The following BSCL2 variants were observed in gnomAD, a reference collection of about 807,000 sequenced individuals.
BSCL2 encodes the protein BSCL2 lipid droplet biogenesis associated, seipin, also known as seipin.
In BSCL2, 41 loss-of-function variants were observed where a neutral mutation model predicts 57.4. The ratio of observed to expected loss-of-function variants is 0.71; its 90% CI spans 0.56 to 0.93. BSCL2 has a LOEUF of 0.93. Ranked by LOEUF, BSCL2 falls within the 40% of genes least tolerant of loss-of-function variation. BSCL2 has a pLI of 0.00. For missense variants in BSCL2, 539 were observed against 586.7 expected, an observed-to-expected ratio of 0.92 and a Z score of 0.84; for synonymous variants, 237 against 227.3, an observed-to-expected ratio of 1.04 and a Z score of -0.38.
chr11:62,691,072 T>C lies in BSCL2; in HGVS notation c.1072+3A>G, dbSNP rs746825449. The C allele has an allele frequency of 6.2e-6, 10 of 1,614,066 alleles. No homozygotes were observed. The highest frequency in any genetic ancestry group is 1.7e-5 in the Admixed American group (1 of 59,998). Reference sequence around the variant, plus strand: ...TCAACAGCTCCCCAGCCAACACCTTTACCTGGCTGATGAGCAGAGATCCTT... The same window carrying C: ...TCAACAGCTCCCCAGCCAACACCTTCACCTGGCTGATGAGCAGAGATCCTT... On this transcript the variant is annotated splice_donor_region_variant and intron_variant, in intron 8 of 10. Coordinates refer to ENST00000360796, the MANE Select transcript of BSCL2 (RefSeq NM_001122955.4).
chr11:62,696,042 A>G (rs962736539), intron 3 of BSCL2, among the ~76,000 whole-genome samples: 7 of 152,176 alleles, frequency 4.6e-5, no homozygotes, highest in African/African-American at 1.7e-4. Context: ...GCGTGGTAGC[A>G]GGCACCTGTA....
Position 62,707,207 on chromosome 11 carries a change from G to A in BSCL2, c.-12C>T, listed in dbSNP as rs2083555799. ...TTTTCTGTAGACATCTTCCTGACGA[G>A]CCTCTGTTGACTCTGGATCTTCCAC... On this transcript the variant is annotated 5_prime_UTR_variant, in exon 1 of 11. Transcript: ENST00000360796. 1 of 1,552,146 alleles carries A rather than the reference G, an allele frequency of 6.4e-7. No homozygotes were observed. Among genetic ancestry groups the A allele is most frequent in the South Asian group, 1.2e-5 (1 of 84,078 alleles).
At position 62,702,507 on chromosome 11, in the gene BSCL2, A is replaced by C. The variant is rs763484529; in HGVS notation, c.447T>G (p.Pro149=). Residue 149 remains proline, a synonymous_variant, in exon 3 of 11, where the codon CCT becomes CCG. Transcript: ENST00000360796. The part of the protein sequence containing the change: ...DSSTTSLCSF[P]VANVSLTKGG... Reference sequence around the variant, plus strand: ...CCTTAGTCAGCGAGACATTGGCAACAGGGAAGGAGCAGAGTGAGGTGGTGG... The same window carrying C: ...CCTTAGTCAGCGAGACATTGGCAACCGGGAAGGAGCAGAGTGAGGTGGTGG... 7.4e-6 allele frequency: 12 copies of C among 1,612,878 alleles called. No individual in the cohort carries two copies. The Admixed American group carries it at 2.0e-4, about 27-fold the overall frequency.
chr11:62,707,307 A>G lies in BSCL2; in HGVS notation c.-112T>C. ...TGTGGCGCATCACATTTTCCTGGAT[A>G]TGGAAAATGGAGGGTCCCTGGGAGA... On this transcript the variant is annotated 5_prime_UTR_variant, in exon 1 of 11. Transcript: ENST00000360796. 1 of 944,816 alleles carries G rather than the reference A, an allele frequency of 1.1e-6. No individual in the cohort carries two copies. The highest frequency in any genetic ancestry group is 1.7e-6 in the Non-Finnish European group (1 of 596,966). The allele number at this position is 944,816 out of a possible 1,614,324, so 58.5% of individuals were successfully genotyped here.
At chr11:62,696,948 G>T (rs1051328782) in intron 3 of BSCL2, among the ~76,000 whole-genome samples, 7 of 151,900 alleles carry the variant, frequency 4.6e-5, no homozygotes, top group African/African-American at 1.5e-4. Context: ...TGAGGCAGGA[G>T]GATCCCTTGA....
At chr11:62,691,258 G>A (rs760018031) in intron 7 of BSCL2, 22 bp downstream of exon 7, 2 of 1,614,044 alleles carry the variant, frequency 1.2e-6, no homozygotes, top group African/African-American at 2.7e-5. Flanking sequence ...AGGGACAAAA[G>A]GGGGTCCTTG....
At chr11:62,708,750 G>A, upstream of BSCL2, 3 of 1,614,116 alleles carry the variant, frequency 1.9e-6, no homozygotes, top group Non-Finnish European at 2.5e-6. Context: ...CATCACCCCT[G>A]TGCCCACTTC....
chr11:62,690,371 G>C lies in BSCL2; in HGVS notation c.1385C>G (p.Ser462Cys). 1 of 1,614,008 alleles carries C rather than the reference G, an allele frequency of 6.2e-7. No homozygotes were observed. Among genetic ancestry groups the C allele is most frequent in the Admixed American group, 1.7e-5 (1 of 59,988 alleles). The change falls in exon 11 of 11, where the codon TCC becomes TGC. Residue 462 changes from serine (S) to cysteine (C), a missense_variant. Around this residue, in one of 3 missense-constraint regions of BSCL2, gnomAD observed 248 missense variants for 239.9 expected, o/e 1.03. Transcript: ENST00000360796. ...ALRQRPTCSS[S>C] is the part of the protein sequence containing the mutation. ...TGAGGAGTCTGCCCCTTTTCTTCAG[G>C]AACTAGAGCAGGTGGGGCGCTGTCG... is the stretch of plus-strand genomic sequence containing the variant.
intron 3 of BSCL2, among the ~76,000 whole-genome samples, chr11:62,696,278 T>TGTGTGTGTG (rs371756427): frequency 2.1e-3 from 283 of 136,310 alleles, no homozygotes; most frequent in African/African-American, 4.3e-3. Flanking sequence ...CATAAACTTT[T>TGTGTGTGTG]TGTGTGTGTG....
chr11:62,690,476 A>G lies in BSCL2; in HGVS notation c.1280T>C (p.Leu427Pro), dbSNP rs145649423. ...EDAALLTEAN[L>P]PAPAPASASA... ...AGCAGAAGCAGGAGCAGGAGCAGGC[A>G]GGTTGGCCTCCGTCAGCAAAGCTGC... The change falls in exon 11 of 11, where the codon CTG becomes CCG. Residue 427 changes from leucine to proline, a missense_variant. Transcript: ENST00000360796. 3.0e-3 allele frequency: 4,765 copies of G among 1,614,202 alleles called. 20 individuals are homozygous for G. The highest frequency in any genetic ancestry group is 9.7e-3 in the Middle Eastern group (59 of 6,062).
intron 2 of BSCL2, among the ~76,000 whole-genome samples, chr11:62,703,128 C>A (rs753229343): frequency 3.5e-5 from 5 of 142,674 alleles, no homozygotes; most frequent in African/African-American, 5.3e-5. Flanking sequence ...CCAGCCTGGG[C>A]AACAAGGGTG....
upstream of BSCL2, chr11:62,708,140 C>A: frequency 1.5e-6 from 1 of 654,156 alleles, no homozygotes. Flanking sequence ...ATGAGGAATA[C>A]AGGGATGAGA....
At position 62,698,687 on chromosome 11, in the gene BSCL2, C is replaced by A. The variant is rs77663321; in HGVS notation, c.486+3781G>T. 1.7e-4 allele frequency among the ~76,000 whole-genome samples: 26 copies of A among 152,266 alleles called. No individual in the cohort carries two copies. In the East Asian group the frequency reaches 4.6e-3, roughly 27 times the overall value. ...GTTCATTGTCAACAAACAAAATGTTCAACCTCTTCTAATTATCAGGGACAT... is the reference window on the plus strand; with the variant it reads ...GTTCATTGTCAACAAACAAAATGTTAAACCTCTTCTAATTATCAGGGACAT... On this transcript the variant is annotated intron_variant, in intron 3 of 10. Transcript: ENST00000360796.
At chr11:62,708,982 T>A (rs369955613), upstream of BSCL2, 3 of 623,024 alleles carry the variant, frequency 4.8e-6, no homozygotes, top group South Asian at 5.4e-5. Context: ...CCCCATTTCC[T>A]ACCACCTTTG....
At chr11:62,708,622 G>T (rs748663729), upstream of BSCL2, 54 of 1,599,510 alleles carry the variant, frequency 3.4e-5, no homozygotes, top group Non-Finnish European at 4.1e-5. Context: ...GGGGAGGGAG[G>T]CTGCAGTCCC....
At chr11:62,697,820 T>C (rs1159456885) in intron 3 of BSCL2, among the ~76,000 whole-genome samples, 2 of 151,080 alleles carry the variant, frequency 1.3e-5, no homozygotes, top group Admixed American at 6.6e-5. Context: ...GGATCCGCTT[T>C]GAACATCACC....
At chr11:62,701,843 A>AG (rs1213186920) in intron 3 of BSCL2, among the ~76,000 whole-genome samples, 4 of 151,742 alleles carry the variant, frequency 2.6e-5, no homozygotes, top group Non-Finnish European at 5.9e-5. Context: ...AAAAAAAAAA[A>AG]AAAGAAAGAG....
intron 8 of BSCL2, 77 bp downstream of exon 8, chr11:62,690,998 G>A: frequency 3.2e-6 from 5 of 1,580,222 alleles, no homozygotes; most frequent in Non-Finnish European, 4.3e-6. Flanking sequence ...CCTCATACTG[G>A]ATGAAGCAGG....
At chr11:62,708,099 G>C (rs186527407), upstream of BSCL2, 211 of 603,428 alleles carry the variant, frequency 3.5e-4, 1 homozygote, top group East Asian at 5.2e-3. Context: ...AGGGAGTTTG[G>C]GGAGCACCTC....
Sources: gnomAD v4.1 joint callset for allele counts (sites outside exome capture counted in the v4.1 genomes callset) on GRCh38, gnomAD v4.1.1 for gene constraint, gnomAD v4.1.1 regional missense constraint, MANE v1.5 for transcripts, NCBI Gene and HGNC (gene_info 2026-07-23, HGNC 2026-07-21) for gene names.